Variants in LPGAT1 observed in about 807,000 individuals in gnomAD.
LPGAT1 encodes the protein lysophosphatidylglycerol acyltransferase 1.
In LPGAT1, 11 loss-of-function variants were observed where a neutral mutation model predicts 47.5. The observed-to-expected ratio is 0.23, with a 90% CI of 0.15 to 0.38. The LOEUF (loss-of-function observed/expected upper bound fraction) is 0.38, where lower values mean the gene tolerates loss of function less well. LPGAT1 is among the 10% of genes least tolerant of loss of function. LPGAT1 has a pLI of 1.00. For synonymous variants in LPGAT1, 138 were observed against 144.2 expected (o/e 0.96, Z 0.31); for missense variants, 293 against 439.0 (o/e 0.67, Z 2.97).
At chr1:211,784,233 A>G (rs1243888078) in intron 4 of LPGAT1, among the ~76,000 whole-genome samples, 3 of 152,186 alleles carry the variant, frequency 2.0e-5, no homozygotes, top group Non-Finnish European at 4.4e-5. Flanking sequence ...TGGAGAGGAC[A>G]TCTTTGGATA....
intron 2 of LPGAT1, among the ~76,000 whole-genome samples, chr1:211,816,072 C>T (rs1660164794): frequency 6.6e-6 from 1 of 152,026 alleles, no homozygotes; most frequent in Non-Finnish European, 1.5e-5. Context: ...TGAGCCACTG[C>T]GCCTGGCTTT....
At chr1:211,778,059 G>C (rs553612036) in intron 6 of LPGAT1, among the ~76,000 whole-genome samples, 2 of 152,066 alleles carry the variant, frequency 1.3e-5, no homozygotes, top group Non-Finnish European at 2.9e-5. Context: ...GGAAAGGCAC[G>C]AGGCTGGGCG....
intron 2 of LPGAT1, among the ~76,000 whole-genome samples, chr1:211,804,247 G>A (rs1010401563): frequency 2.0e-5 from 3 of 151,958 alleles, no homozygotes; most frequent in East Asian, 1.9e-4. Flanking sequence ...ACAGGGTCTC[G>A]CTTTGTTGCC....
At position 211,810,850 on chromosome 1, in the gene LPGAT1, T is replaced by C. The variant is rs548329049; in HGVS notation, c.239-17660A>G. On this transcript the variant is annotated intron_variant, in intron 2 of 7. Coordinates refer to ENST00000366997, the MANE Select transcript of LPGAT1 (RefSeq NM_014873.3). The stretch of plus-strand genomic sequence containing the variant: ...CTGAGAAGAAGAGGAAATAAGATTA[T>C]ATCTATAAATACAAATTCAGATTAT... 3.3e-5 allele frequency among the ~76,000 whole-genome samples: 5 copies of C among 152,294 alleles called. No individual in the cohort carries two copies. The South Asian group carries it at 8.3e-4, about 25-fold the overall frequency.
intron 2 of LPGAT1, among the ~76,000 whole-genome samples, chr1:211,817,897 C>T (rs1172962006): frequency 2.0e-5 from 3 of 152,012 alleles, no homozygotes; most frequent in Admixed American, 6.6e-5. Context: ...TGCAGTGGTG[C>T]GATCTCAGCT....
chr1:211,752,632 A>G (rs1465512815), intron 6 of LPGAT1, among the ~76,000 whole-genome samples: 1 of 152,150 alleles, frequency 6.6e-6, no homozygotes, highest in African/African-American at 2.4e-5. Flanking sequence ...GGGGAATGCT[A>G]AATATACCTT....
Position 211,783,513 on chromosome 1 carries a change from C to G in LPGAT1, c.454-11G>C, listed in dbSNP as rs541764411. ...ACGATAAGATCTTCCCTAGAAGGTA[C>G]ACACACACGTAATAAGTACAGGTAT... On this transcript the variant is annotated splice_polypyrimidine_tract_variant and intron_variant, in intron 4 of 7. Transcript: ENST00000366997. 8 of 1,606,106 alleles carry G rather than the reference C, an allele frequency of 5.0e-6. No individual in the cohort carries two copies. The South Asian group carries it at 7.7e-5, about 15-fold the overall frequency.
At chr1:211,772,027 G>C (rs2102519626) in intron 6 of LPGAT1, among the ~76,000 whole-genome samples, 1 of 152,280 alleles carries the variant, frequency 6.6e-6, no homozygotes, top group Admixed American at 6.5e-5. Context: ...TGAGTAGCTA[G>C]GAATACAGGC....
intron 6 of LPGAT1, among the ~76,000 whole-genome samples, chr1:211,764,172 C>CAA (rs11412742): frequency 5.0e-4 from 66 of 132,466 alleles, no homozygotes; most frequent in South Asian, 1.7e-3. Flanking sequence ...GACTCCATCT[C>CAA]AAAAAAAAAA....
At chr1:211,785,610 CTTT>C (rs796577084) in intron 4 of LPGAT1, among the ~76,000 whole-genome samples, 2 of 140,854 alleles carry the variant, frequency 1.4e-5, no homozygotes, top group Admixed American at 7.2e-5. Flanking sequence ...AATTTAGCCT[CTTT>C]TTTTTTTTTT....
At chr1:211,826,555 C>A (rs1016999528) in intron 2 of LPGAT1, among the ~76,000 whole-genome samples, 14 of 152,112 alleles carry the variant, frequency 9.2e-5, no homozygotes, top group Admixed American at 1.3e-4. Context: ...CAGTGACATG[C>A]AGCCAGTGGC....
At chr1:211,785,156 A>C (rs1658826470) in intron 4 of LPGAT1, among the ~76,000 whole-genome samples, 1 of 152,194 alleles carries the variant, frequency 6.6e-6, no homozygotes, top group Admixed American at 6.5e-5. Context: ...CAACAAAATT[A>C]CAGAAACTCC....
At chr1:211,793,377 A>C (rs2102556220) in intron 2 of LPGAT1, 187 bp from the exon 3 acceptor site, 7 of 255,492 alleles carry the variant, frequency 2.7e-5, no homozygotes, top group East Asian at 7.4e-5. Flanking sequence ...GAGCCCCCAA[A>C]TATACATTAA....
intron 2 of LPGAT1, among the ~76,000 whole-genome samples, chr1:211,798,468 T>A (rs1307105424): frequency 6.6e-6 from 1 of 152,112 alleles, no homozygotes; most frequent in Non-Finnish European, 1.5e-5. Flanking sequence ...GAGGACCCCT[T>A]GAGGCCAGGA....
At chr1:211,752,456 TC>T (rs1296166660) in intron 6 of LPGAT1, among the ~76,000 whole-genome samples, 9 of 152,170 alleles carry the variant, frequency 5.9e-5, no homozygotes, top group Non-Finnish European at 1.3e-4. Context: ...AGATTAATTC[TC>T]CTCCTCATTG....
In LPGAT1 at chr1:211,830,427, C is replaced by G; in HGVS notation, c.-28+146G>C. The G allele has an allele frequency of 8.5e-7, 1 of 1,175,642 alleles. No homozygotes were observed. The highest frequency in any genetic ancestry group is 1.6e-5 in the African/African-American group (1 of 62,302). 72.8% of individuals were successfully genotyped at this position (1,175,642 alleles called of 1,614,324 possible). A position where few individuals can be genotyped will look rare whatever the true frequency, so the allele number is the denominator to read the frequency against. On this transcript the variant is annotated intron_variant, in intron 1 of 7. Transcript: ENST00000366997. This position sits in a 1 kb window ranked among gnomAD's most constrained non-coding sequence, Gnocchi z 5.9. ...GATGCCCCGCGCCCCCGCCTCCTCCCCGGGGCCTACCGCGCCCTCGTCCCT... is the reference window on the plus strand; with the variant it reads ...GATGCCCCGCGCCCCCGCCTCCTCCGCGGGGCCTACCGCGCCCTCGTCCCT...
chr1:211,801,956 C>CA (rs1244806168), intron 2 of LPGAT1, among the ~76,000 whole-genome samples: 1 of 151,344 alleles, frequency 6.6e-6, no homozygotes, highest in Non-Finnish European at 1.5e-5. Flanking sequence ...GGCATGGTGG[C>CA]ACACACCTGT....
chr1:211,751,045 G>A lies in LPGAT1; in HGVS notation c.877C>T (p.Pro293Ser). Residue 293 changes from proline to serine, a missense_variant, in exon 7 of 8, where the codon CCC (proline) becomes TCC (serine). Coordinates refer to ENST00000366997, the MANE Select transcript of LPGAT1 (RefSeq NM_014873.3). Reference protein sequence around the residue: ...HYRIFPIKDVPLETDDLTTWL... With the variant: ...HYRIFPIKDVSLETDDLTTWL... The stretch of plus-strand genomic sequence containing the variant: ...GTGGTAAGGTCATCAGTCTCCAGGG[G>A]TACATCTTTAATTGGAAAGATCCTA... 1 of 1,612,260 alleles carries A rather than the reference G, an allele frequency of 6.2e-7. No homozygotes were observed. The highest frequency in any genetic ancestry group is 8.5e-7 in the Non-Finnish European group (1 of 1,178,720).
intron 6 of LPGAT1, among the ~76,000 whole-genome samples, chr1:211,769,545 A>G (rs1380479718): frequency 2.0e-5 from 3 of 152,186 alleles, no homozygotes; most frequent in South Asian, 4.1e-4. Context: ...AAGCAAATCT[A>G]TAAAGAAAGT....
Sources: gnomAD v4.1 joint callset for allele counts (sites outside exome capture counted in the v4.1 genomes callset) on GRCh38, gnomAD v4.1.1 for gene constraint, Gnocchi (gnomAD v3.1) non-coding constraint, MANE v1.5 for transcripts, NCBI Gene and HGNC (gene_info 2026-07-23, HGNC 2026-07-21) for gene names.